Variants in GPC2 observed in about 807,000 individuals in gnomAD.
GPC2 encodes glypican-2.
Under a neutral mutation model 57.3 loss-of-function variants are expected in GPC2, and 42 were observed. The observed-to-expected ratio is 0.73, with a 90% CI of 0.57 to 0.95. The LOEUF is 0.95. Ranked by LOEUF, GPC2 falls within the 40% of genes least tolerant of loss-of-function variation. The pLI is 0.00. For missense variants in GPC2, 745 were observed against 793.6 expected (o/e 0.94, Z 0.74); for synonymous variants, 364 against 343.4 (o/e 1.06, Z -0.66).
chr7:100,174,527 GC>G, intron 4 of GPC2, 157 bp downstream of exon 4: 1 of 703,518 alleles, frequency 1.4e-6, no homozygotes, highest in Non-Finnish European at 2.6e-6. Context: ...TTTCACTCCA[GC>G]CCCCTCCTTC....
intron 4 of GPC2, 53 bp downstream of exon 4, chr7:100,174,632 T>G: frequency 7.4e-7 from 1 of 1,353,590 alleles, no homozygotes; most frequent in Non-Finnish European, 1.1e-6. Flanking sequence ...GGGGTCTCTC[T>G]CACTTCCACC....
chr7:100,176,674 T>C (rs1487066061), intron 1 of GPC2, among the ~76,000 whole-genome samples: 1 of 152,064 alleles, frequency 6.6e-6, no homozygotes, highest in African/African-American at 2.4e-5. Flanking sequence ...GAGAACAGCT[T>C]CTAGGGGATG....
In GPC2 at chr7:100,171,846, C is replaced by A; in HGVS notation, c.1103G>T (p.Arg368Leu). The stretch of plus-strand genomic sequence containing the variant: ...CTCCTCGGTCACCATCGACCACAGC[C>A]GGCCCGCCTCTTCCCGGGGCGGCGG... The part of the protein sequence containing the change: ...RAPPPREEAG[R>L]LWSMVTEEER... Residue 368 changes from arginine to leucine, a missense_variant, in exon 7 of 10, where the codon CGG becomes CTG. Around this residue, in one of 2 missense-constraint regions of GPC2, gnomAD observed 607 missense variants for 603.9 expected, o/e 1.01. Coordinates refer to ENST00000292377, the MANE Select transcript of GPC2 (RefSeq NM_152742.3). The surrounding 1 kb of genome is among the most constrained non-coding windows in gnomAD (Gnocchi z 4.8). 2 of 1,554,318 alleles carry A rather than the reference C, an allele frequency of 1.3e-6. No individual in the cohort carries two copies. Among genetic ancestry groups the A allele is most frequent in the East Asian group, 2.3e-5 (1 of 42,624 alleles).
chr7:100,172,092 C>A lies in GPC2; in HGVS notation c.1018G>T (p.Ala340Ser), dbSNP rs1422502616. ...CACCCTTCTCTCCCCTGTACCTGGGCGGACACCTTCGCACTGTTTTCCTGC... is the reference window on the plus strand; with the variant it reads ...CACCCTTCTCTCCCCTGTACCTGGGAGGACACCTTCGCACTGTTTTCCTGC... ...YLQENSAKVS[A>S]QVFQECGPPD... Residue 340 changes from alanine to serine, a missense_variant, in exon 6 of 10, where the codon GCC becomes TCC. By Grantham distance (99) the Ala-to-Ser change is moderately conservative (BLOSUM62 1). Around this residue, in one of 2 missense-constraint regions of GPC2, gnomAD observed 607 missense variants for 603.9 expected, o/e 1.01. Transcript: ENST00000292377. 1 of 1,613,844 alleles carries A rather than the reference C, an allele frequency of 6.2e-7. No individual in the cohort carries two copies. The highest frequency in any genetic ancestry group is 2.2e-5 in the East Asian group (1 of 44,892).
Position 100,170,363 on chromosome 7 carries a change from C to T in GPC2, c.1607G>A (p.Gly536Glu), listed in dbSNP as rs779575344. The T allele has an allele frequency of 9.3e-6, 15 of 1,613,348 alleles. No homozygotes were observed. Among genetic ancestry groups the T allele is most frequent in the Non-Finnish European group, 1.3e-5 (15 of 1,179,786 alleles). ...PPYPPRRDGSGGKGGGGSARY... is the reference protein window; with the variant it reads ...PPYPPRRDGSEGKGGGGSARY... ...GGCACTGCCACCTCCTCCTTTGCCC[C>T]CAGAACCATCCCTTCTAGGAGGGTA... Residue 536 changes from glycine (G) to glutamate (E), a missense_variant, in exon 10 of 10, where the codon GGG becomes GAG. This residue lies in a region of GPC2 where 607 missense variants were observed against 603.9 expected (regional missense o/e 1.01). Coordinates refer to ENST00000292377, the MANE Select transcript of GPC2 (RefSeq NM_152742.3).
rs753229764 is a variant in GPC2, at chr7:100,170,212, T to C, written c.*18A>G. On this transcript the variant is annotated 3_prime_UTR_variant, in exon 10 of 10. Transcript: ENST00000292377. ...AAAGGGCCATGAACCCTTCTGATGC[T>C]AGGGCACCCCTCCCCCGTTATCGAG... 17 of 1,537,686 alleles carry C rather than the reference T, an allele frequency of 1.1e-5. No individual in the cohort carries two copies. Among genetic ancestry groups the C allele is most frequent in the Non-Finnish European group, 1.2e-5 (14 of 1,139,334 alleles).
chr7:100,171,898 G>C lies in GPC2; in HGVS notation c.1051C>G (p.Pro351Ala). The change falls in exon 7 of 10, where the codon CCG (proline) becomes GCG (alanine). Residue 351 changes from proline to alanine, a missense_variant. Pro to Ala is a conservative substitution (Grantham distance 27, BLOSUM62 -1). This residue lies in a region of GPC2 where 607 missense variants were observed against 603.9 expected (regional missense o/e 1.01). Coordinates refer to ENST00000292377, the MANE Select transcript of GPC2 (RefSeq NM_152742.3). This position sits in a 1 kb window ranked among gnomAD's most constrained non-coding sequence, Gnocchi z 4.8. ...QVFQECGPPDPVPARNRRAPP... is the reference protein window; with the variant it reads ...QVFQECGPPDAVPARNRRAPP... ...GCTCGACGGTTGCGGGCAGGCACCG[G>C]GTCGGGGGGGCCGCACTCCTGAAAC... 1 of 1,500,686 alleles carries C rather than the reference G, an allele frequency of 6.7e-7. No individual in the cohort carries two copies. The highest frequency in any genetic ancestry group is 8.8e-7 in the Non-Finnish European group (1 of 1,129,980). 93.0% of individuals were successfully genotyped at this position (1,500,686 alleles called of 1,614,324 possible).
At position 100,171,395 on chromosome 7, in the gene GPC2, A is replaced by C; in HGVS notation, c.1352T>G (p.Val451Gly). Residue 451 changes from valine (V) to glycine (G), a missense_variant, in exon 9 of 10, where the codon GTC becomes GGC. Physicochemically the swap from Val to Gly is moderately radical, Grantham distance 109 (BLOSUM62 -3). This residue lies in a region of GPC2 where 607 missense variants were observed against 603.9 expected (regional missense o/e 1.01). Coordinates refer to ENST00000292377, the MANE Select transcript of GPC2 (RefSeq NM_152742.3). This position sits in a 1 kb window ranked among gnomAD's most constrained non-coding sequence, Gnocchi z 4.8. ...PVVGGSPAEQVNNPELKVDAS... is the reference protein window; with the variant it reads ...PVVGGSPAEQGNNPELKVDAS... Reference sequence around the variant, plus strand: ...GTCCACCTTGAGCTCGGGGTTGTTGACCTGCTCGGCCGGGGAGCCCCCGAC... The same window carrying C: ...GTCCACCTTGAGCTCGGGGTTGTTGCCCTGCTCGGCCGGGGAGCCCCCGAC... 6.6e-7 allele frequency: 1 copy of C among 1,510,886 alleles called. No homozygotes were observed. The highest frequency in any genetic ancestry group is 1.3e-5 in the South Asian group (1 of 79,302). The allele number at this position is 1,510,886 out of a possible 1,614,324, so 93.6% of individuals were successfully genotyped here.
At chr7:100,172,707 ATATG>A (rs1562957617) in intron 5 of GPC2, among the ~76,000 whole-genome samples, 1 of 93,582 alleles carries the variant, frequency 1.1e-5, no homozygotes, top group Non-Finnish European at 2.1e-5. Flanking sequence ...ACGTGTATAT[ATATG>A]TATATATACA....
Position 100,170,221 on chromosome 7 carries a change from C to T in GPC2, c.*9G>A. 1 of 1,544,604 alleles carries T rather than the reference C, an allele frequency of 6.5e-7. No individual in the cohort carries two copies. The highest frequency in any genetic ancestry group is 8.7e-7 in the Non-Finnish European group (1 of 1,143,002). On this transcript the variant is annotated 3_prime_UTR_variant, in exon 10 of 10. Transcript: ENST00000292377. ...TGAACCCTTCTGATGCTAGGGCACC[C>T]CTCCCCCGTTATCGAGGTCCAAGCA...
In GPC2 at chr7:100,174,812, G is replaced by A. The variant is rs753794935; in HGVS notation, c.649-47C>T. 5 of 1,448,954 alleles carry A rather than the reference G, an allele frequency of 3.5e-6. No individual in the cohort carries two copies. In the South Asian group the frequency reaches 5.8e-5, roughly 17 times the overall value. 89.8% of individuals were successfully genotyped at this position (1,448,954 alleles called of 1,614,324 possible). On this transcript the variant is annotated intron_variant, in intron 3 of 9. Transcript: ENST00000292377. ...GAGAAAAACCACAAGGTTGTTATGG[G>A]TCAGTCAAGACTGGAGCCAAGAGAC...
chr7:100,170,747 G>A (rs536627671), intron 9 of GPC2, among the ~76,000 whole-genome samples: 119 of 151,968 alleles, frequency 7.8e-4, no homozygotes, highest in Middle Eastern at 6.8e-3. Context: ...ACAGGCAGAT[G>A]GGGAGAGAGG....
intron 4 of GPC2, 170 bp downstream of exon 4, chr7:100,174,515 G>C (rs771624544): frequency 4.3e-6 from 3 of 696,348 alleles, no homozygotes; most frequent in Non-Finnish European, 5.2e-6. Flanking sequence ...GACCATTGGA[G>C]GTTTCACTCC....
At chr7:100,170,636 G>A (rs1438251795) in intron 9 of GPC2, among the ~76,000 whole-genome samples, 153 bp from the exon 10 acceptor site, 1 of 151,972 alleles carries the variant, frequency 6.6e-6, no homozygotes, top group Non-Finnish European at 1.5e-5. Flanking sequence ...GACCATGAGT[G>A]ACAGGAAGGC....
chr7:100,171,504 G>T lies in GPC2; in HGVS notation c.1310+35C>A. ...CCCCGCCCCTCCCGGCCGCGGTCCC[G>T]CCCCCTGCTGCCCCCCGACGCCCCC... On this transcript the variant is annotated intron_variant, in intron 8 of 9. Coordinates refer to ENST00000292377, the MANE Select transcript of GPC2 (RefSeq NM_152742.3). This position sits in a 1 kb window ranked among gnomAD's most constrained non-coding sequence, Gnocchi z 4.8. The T allele has an allele frequency of 3.7e-6, 5 of 1,347,294 alleles. No individual in the cohort carries two copies. Among genetic ancestry groups the T allele is most frequent in the Non-Finnish European group, 4.7e-6 (5 of 1,056,530 alleles). 83.5% of individuals were successfully genotyped at this position (1,347,294 alleles called of 1,614,324 possible). A position where few individuals can be genotyped will look rare whatever the true frequency, so the allele number is the denominator to read the frequency against.
chr7:100,172,774 T>C (rs1184565511), intron 5 of GPC2, among the ~76,000 whole-genome samples: 1 of 144,968 alleles, frequency 6.9e-6, no homozygotes, highest in East Asian at 2.0e-4. Context: ...TATATATATA[T>C]GTGTGTGTAT....
At position 100,170,964 on chromosome 7, in the gene GPC2, C is replaced by A. The variant is rs1799166374; in HGVS notation, c.1486+297G>T. ...TCACCCACCACCCTGGCTTCCCAGC[C>A]TCCCCCAAATTGCCCCCTCCCCCAT... On this transcript the variant is annotated intron_variant, in intron 9 of 9. Coordinates refer to ENST00000292377, the MANE Select transcript of GPC2 (RefSeq NM_152742.3). 3 of 377,254 alleles carry A rather than the reference C, an allele frequency of 8.0e-6. No individual in the cohort carries two copies. The East Asian group carries it at 1.3e-4, about 16-fold the overall frequency. 23.4% of individuals were successfully genotyped at this position (377,254 alleles called of 1,614,324 possible). A position where few individuals can be genotyped will look rare whatever the true frequency, so the allele number is the denominator to read the frequency against.
chr7:100,171,514 G>GC lies in GPC2; in HGVS notation c.1310+24dup, dbSNP rs1410346989. The GC allele has an allele frequency of 1.6e-5, 21 of 1,354,316 alleles. No individual in the cohort carries two copies. The highest frequency in any genetic ancestry group is 2.7e-4 in the Middle Eastern group (1 of 3,674). 83.9% of individuals were successfully genotyped at this position (1,354,316 alleles called of 1,614,324 possible). On this transcript the variant is annotated intron_variant, in intron 8 of 9. Coordinates refer to ENST00000292377, the MANE Select transcript of GPC2 (RefSeq NM_152742.3). The surrounding 1 kb of genome is among the most constrained non-coding windows in gnomAD (Gnocchi z 4.8). ...CCCGGCCGCGGTCCCGCCCCCTGCT[G>GC]CCCCCCGACGCCCCCGAGGCTCACC...
rs1323534637 is a variant in GPC2 at position 100,177,220 on chromosome 7, G to A, written c.-21C>T. The A allele has an allele frequency of 1.9e-6, 3 of 1,602,094 alleles. No individual in the cohort carries two copies. The highest frequency in any genetic ancestry group is 1.7e-6 in the Non-Finnish European group (2 of 1,173,820). On this transcript the variant is annotated 5_prime_UTR_variant, in exon 1 of 10. Coordinates refer to ENST00000292377, the MANE Select transcript of GPC2 (RefSeq NM_152742.3). ...GACATAACTGCAGCCACCCCAGGACGGCAAAGTGGGTCCTAAGGAGGAAAG... is the reference window on the plus strand; with the variant it reads ...GACATAACTGCAGCCACCCCAGGACAGCAAAGTGGGTCCTAAGGAGGAAAG...
Sources: allele counts gnomAD v4.1 joint callset (sites outside exome capture counted in the v4.1 genomes callset), GRCh38; gene constraint gnomAD v4.1.1; regional missense constraint gnomAD v4.1.1; non-coding constraint Gnocchi (gnomAD v3.1); transcripts MANE v1.5; gene names NCBI Gene and HGNC (gene_info 2026-07-23, HGNC 2026-07-21).